TMCC2: variants seen among roughly 807,000 people sequenced by gnomAD.
TMCC2 encodes the protein transmembrane and coiled-coil domains protein 2.
A neutral mutation model predicts 49.4 loss-of-function variants in TMCC2; 16 were observed. That is an observed-to-expected ratio of 0.32 (90% CI 0.22 to 0.49). The LOEUF (loss-of-function observed/expected upper bound fraction) is 0.49, where lower values mean the gene tolerates loss of function less well. Ranked by LOEUF, TMCC2 falls within the 20% of genes least tolerant of loss-of-function variation. TMCC2 has a pLI of 0.99. For missense variants in TMCC2, 762 were observed against 989.8 expected (o/e 0.77, Z 3.09); for synonymous variants, 397 against 434.1 (o/e 0.91, Z 1.06).
rs772585225 is a variant in TMCC2 at position 205,269,653 on chromosome 1, C to T, written c.1451C>T (p.Ala484Val). 1 of 1,613,798 alleles carries T rather than the reference C, an allele frequency of 6.2e-7. No homozygotes were observed. The highest frequency in any genetic ancestry group is 8.5e-7 in the Non-Finnish European group (1 of 1,179,930). The change falls in exon 3 of 5, where the codon GCC (alanine) becomes GTC (valine). Residue 484 changes from alanine (A) to valine (V), a missense_variant. By Grantham distance (64) the Ala-to-Val change is moderately conservative. This residue lies in a region of TMCC2 where 440 missense variants were observed against 636.7 expected (regional missense o/e 0.69). Coordinates refer to ENST00000358024, the MANE Select transcript of TMCC2 (RefSeq NM_014858.4). ...GATGATGAGTGCTCCAGCGCCAGCG[C>T]CAGCTCAGCCGGGGCAGGCAGCAAC... ...GSDDECSSASASSAGAGSNSG... is the reference protein window; with the variant it reads ...GSDDECSSASVSSAGAGSNSG...
In TMCC2 at chr1:205,264,709, C is replaced by T. The variant is rs1558655914; in HGVS notation, c.748-4241C>T. Reference sequence around the variant, plus strand: ...GTTTCACCATGTTGGCCAGGCTGGTCTCCAACTCCTAACCTCAGGTGATCC... The same window carrying T: ...GTTTCACCATGTTGGCCAGGCTGGTTTCCAACTCCTAACCTCAGGTGATCC... On this transcript the variant is annotated intron_variant, in intron 2 of 4. Transcript: ENST00000358024. The surrounding 1 kb of genome is among the most constrained non-coding windows in gnomAD (Gnocchi z 4.2). Among the ~76,000 whole-genome samples, 1 of 152,174 alleles carries T rather than the reference C, an allele frequency of 6.6e-6. No individual in the cohort carries two copies. The highest frequency in any genetic ancestry group is 2.1e-4 in the South Asian group (1 of 4,834).
chr1:205,235,670 G>A (rs765411457), intron 1 of TMCC2, among the ~76,000 whole-genome samples: 2 of 152,190 alleles, frequency 1.3e-5, no homozygotes, highest in Non-Finnish European at 2.9e-5. Context: ...GGCCATAGCT[G>A]GACAGGGTCC....
At position 205,254,369 on chromosome 1, in the gene TMCC2, G is replaced by A. The variant is rs1044354912; in HGVS notation, c.747+12325G>A. Among the ~76,000 whole-genome samples the A allele has an allele frequency of 2.0e-5, 3 of 152,202 alleles. No homozygotes were observed. In the South Asian group the frequency reaches 6.2e-4, roughly 32 times the overall value. ...GGTCACTTAGAAAGCATGGAAGTGA[G>A]TCTCACGCCCAGGGCTCTACAGGGC... On this transcript the variant is annotated intron_variant, in intron 2 of 4. Coordinates refer to ENST00000358024, the MANE Select transcript of TMCC2 (RefSeq NM_014858.4).
intron 2 of TMCC2, among the ~76,000 whole-genome samples, chr1:205,248,179 C>T (rs1414579732): frequency 1.3e-5 from 2 of 152,154 alleles, no homozygotes; most frequent in South Asian, 2.1e-4. Flanking sequence ...GGCTGATTTG[C>T]GTGGATCAGT....
At position 205,259,317 on chromosome 1, in the gene TMCC2, G is replaced by A. The variant is rs376969398; in HGVS notation, c.748-9633G>A. Among the ~76,000 whole-genome samples the A allele has an allele frequency of 1.2e-4, 18 of 152,184 alleles. No individual in the cohort carries two copies. The South Asian group carries it at 1.2e-3, about 11-fold the overall frequency. On this transcript the variant is annotated intron_variant, in intron 2 of 4. Transcript: ENST00000358024. ...GTGGGGACCCTAACGGGTTCTTTGC[G>A]AGTCTGGGAAGGGGCTGCCTGCCTC...
chr1:205,265,932 A>G (rs1574865324), intron 2 of TMCC2, among the ~76,000 whole-genome samples: 1 of 151,706 alleles, frequency 6.6e-6, no homozygotes, highest in Non-Finnish European at 1.5e-5. Flanking sequence ...TGGAAAGGGC[A>G]GCAGCTTTAT....
In TMCC2 at chr1:205,245,386, A is replaced by T. The variant is rs549443155; in HGVS notation, c.747+3342A>T. On this transcript the variant is annotated intron_variant, in intron 2 of 4. Transcript: ENST00000358024. Reference sequence around the variant, plus strand: ...CCAGTGGGAGGGCGGATGAAAGAGAAGACAGTTCAAGTGGAAGTGAGAGGA... The same window carrying T: ...CCAGTGGGAGGGCGGATGAAAGAGATGACAGTTCAAGTGGAAGTGAGAGGA... 5.3e-5 allele frequency among the ~76,000 whole-genome samples: 8 copies of T among 152,314 alleles called. No homozygotes were observed. In the South Asian group the frequency reaches 1.4e-3, roughly 28 times the overall value.
At chr1:205,235,781 G>A (rs921870617) in intron 1 of TMCC2, among the ~76,000 whole-genome samples, 2 of 152,130 alleles carry the variant, frequency 1.3e-5, no homozygotes, top group Non-Finnish European at 2.9e-5. Flanking sequence ...TAGAAAAACA[G>A]TTATTTGGCT....
chr1:205,257,172 C>A (rs1660908721), intron 2 of TMCC2: 5 of 1,232,418 alleles, frequency 4.1e-6, no homozygotes. Flanking sequence ...GAGCAATCCG[C>A]CCCTAATCCC....
intron 2 of TMCC2, chr1:205,267,761 G>T (rs1321555430): frequency 5.6e-6 from 2 of 355,724 alleles, no homozygotes; most frequent in Non-Finnish European, 7.9e-6. Context: ...CTCCGACTTT[G>T]GTGCCACCCT....
Position 205,241,453 on chromosome 1 carries a change from A to G in TMCC2, c.208-52A>G, listed in dbSNP as rs1660259022. 7.0e-6 allele frequency: 11 copies of G among 1,572,578 alleles called. No homozygotes were observed. In the East Asian group the frequency reaches 2.0e-4, roughly 29 times the overall value. ...CTTCACCTTCACCCTCCTACTGACTAGGCAATCAAGAGCTTTCCACTCACC... is the reference window on the plus strand; with the variant it reads ...CTTCACCTTCACCCTCCTACTGACTGGGCAATCAAGAGCTTTCCACTCACC... On this transcript the variant is annotated intron_variant, in intron 1 of 4. Coordinates refer to ENST00000358024, the MANE Select transcript of TMCC2 (RefSeq NM_014858.4). This position sits in a 1 kb window ranked among gnomAD's most constrained non-coding sequence, Gnocchi z 7.3.
Position 205,269,135 on chromosome 1 carries a change from C to T in TMCC2, c.933C>T (p.Asp311=), listed in dbSNP as rs751757310. ...TCAAGATTGAGCAGGAGGCTCGCGA[C>T]GACAATGTGGCAGAGTATCTGAAAC... ...EQIKIEQEAR[D]DNVAEYLKLA... The change falls in exon 3 of 5, where the codon GAC becomes GAT. Residue 311 remains aspartate (D), a synonymous_variant. Coordinates refer to ENST00000358024, the MANE Select transcript of TMCC2 (RefSeq NM_014858.4). The T allele has an allele frequency of 1.2e-5, 20 of 1,614,118 alleles. No homozygotes were observed. Among genetic ancestry groups the T allele is most frequent in the African/African-American group, 2.7e-5 (2 of 75,056 alleles).
In TMCC2 at chr1:205,264,617, T is replaced by C. The variant is rs543952485; in HGVS notation, c.748-4333T>C. Among the ~76,000 whole-genome samples, 5 of 152,210 alleles carry C rather than the reference T, an allele frequency of 3.3e-5. No individual in the cohort carries two copies. In the South Asian group the frequency reaches 1.0e-3, roughly 32 times the overall value. The stretch of plus-strand genomic sequence containing the variant: ...CTCCCGCCTCAGCCTCCCGAGTAGC[T>C]GGGACTACGGGTGCCCGCCACCACA... On this transcript the variant is annotated intron_variant, in intron 2 of 4. Transcript: ENST00000358024. The surrounding 1 kb of genome is among the most constrained non-coding windows in gnomAD (Gnocchi z 4.2).
chr1:205,252,809 A>ATT (rs71147737), intron 2 of TMCC2, among the ~76,000 whole-genome samples: 44,012 of 147,198 alleles, frequency 0.3, 7,454 homozygotes, highest in Non-Finnish European at 0.39. Flanking sequence ...GTGGTTTGTG[A>ATT]TTTTTTTTTT....
intron 2 of TMCC2, chr1:205,256,342 G>C (rs1476257174): frequency 6.4e-7 from 1 of 1,550,570 alleles, no homozygotes; most frequent in African/African-American, 1.4e-5. Context: ...GTGGACCTCT[G>C]TCCCCCTCTG....
intron 2 of TMCC2, among the ~76,000 whole-genome samples, chr1:205,259,566 T>C (rs942879622): frequency 1.3e-5 from 2 of 152,268 alleles, no homozygotes; most frequent in Admixed American, 1.3e-4. Flanking sequence ...ATACTTTCTG[T>C]TCCAACAGTG....
intron 2 of TMCC2, among the ~76,000 whole-genome samples, chr1:205,265,332 A>G (rs1661279346): frequency 6.6e-6 from 1 of 152,222 alleles, no homozygotes; most frequent in Admixed American, 6.5e-5. Context: ...AAAGATGCCA[A>G]ATCAAGGGAG....
chr1:205,233,809 A>T (rs1002643361), intron 1 of TMCC2: 11 of 150,098 alleles, frequency 7.3e-5, no homozygotes, highest in Non-Finnish European at 1.0e-4. Context: ...TTATATATAT[A>T]TTTTTTCAAG....
chr1:205,258,253 A>T (rs1660958287), intron 2 of TMCC2, among the ~76,000 whole-genome samples: 1 of 151,990 alleles, frequency 6.6e-6, no homozygotes, highest in Non-Finnish European at 1.5e-5. Context: ...TTGCACCTGA[A>T]ATCCCCTTGT....
Sources: allele counts gnomAD v4.1 joint callset (sites outside exome capture counted in the v4.1 genomes callset), GRCh38; gene constraint gnomAD v4.1.1; regional missense constraint gnomAD v4.1.1; non-coding constraint Gnocchi (gnomAD v3.1); transcripts MANE v1.5; gene names NCBI Gene and HGNC (gene_info 2026-07-23, HGNC 2026-07-21).